KIFAP3: variants seen among roughly 807,000 people sequenced by gnomAD.
KIFAP3 encodes kinesin associated protein 3, also known as kinesin-associated protein 3.
A neutral mutation model predicts 106.5 loss-of-function variants in KIFAP3; 68 were observed. The ratio of observed to expected loss-of-function variants is 0.64; its 90% CI spans 0.53 to 0.78. The LOEUF (loss-of-function observed/expected upper bound fraction) is 0.78, where lower values mean the gene tolerates loss of function less well. Ranked by LOEUF, KIFAP3 falls within the 30% of genes least tolerant of loss-of-function variation. The pLI, the probability that KIFAP3 is intolerant of heterozygous loss-of-function variation, is 0.00. For synonymous variants in KIFAP3, 320 were observed against 311.5 expected (o/e 1.03, Z -0.29); for missense variants, 780 against 941.8 (o/e 0.83, Z 2.25).
chr1:169,976,466 T>G (rs1666225406), intron 16 of KIFAP3, among the ~76,000 whole-genome samples: 2 of 152,126 alleles, frequency 1.3e-5, no homozygotes, highest in Admixed American at 6.6e-5. Context: ...ATACTTATGT[T>G]CCATGGAATA....
At chr1:170,032,422 T>C (rs540047803) in intron 7 of KIFAP3, among the ~76,000 whole-genome samples, 17 of 151,876 alleles carry the variant, frequency 1.1e-4, no homozygotes, top group African/African-American at 2.6e-4. Flanking sequence ...GCCCAGAATA[T>C]TCAAAGGATA....
In KIFAP3 at chr1:169,978,129, A is replaced by G. The variant is rs372005135; in HGVS notation, c.1853T>C (p.Met618Thr). Residue 618 changes from methionine (M) to threonine (T), a missense_variant, in exon 16 of 20, where the codon ATG (methionine) becomes ACG (threonine). Transcript: ENST00000361580. ...GTCTCTTGTGGCTTGGTGGAAAACC[A>G]TCTGGTAGAAGACATAAATTATCTG... The part of the protein sequence containing the change: ...VCQIIYVFYQ[M>T]VFHQATRDVI... The G allele has an allele frequency of 1.9e-6, 3 of 1,612,620 alleles. No homozygotes were observed. The highest frequency in any genetic ancestry group is 1.6e-4 in the Middle Eastern group (1 of 6,066).
intron 19 of KIFAP3, among the ~76,000 whole-genome samples, chr1:169,946,876 T>C (rs1664465897): frequency 6.6e-6 from 1 of 151,964 alleles, no homozygotes; most frequent in South Asian, 2.1e-4. Context: ...AAAAAGGGAT[T>C]TCATGTAAAG....
chr1:170,016,035 T>C (rs1419902576), intron 10 of KIFAP3, among the ~76,000 whole-genome samples: 2 of 152,100 alleles, frequency 1.3e-5, no homozygotes, highest in Non-Finnish European at 2.9e-5. Context: ...AAAAAAAATA[T>C]ACCCTTTTTA....
At chr1:169,954,995 T>C (rs1256698785) in intron 18 of KIFAP3, among the ~76,000 whole-genome samples, 1 of 152,158 alleles carries the variant, frequency 6.6e-6, no homozygotes, top group African/African-American at 2.4e-5. Flanking sequence ...ATAAAAAGAA[T>C]CTGAGGAAAA....
At chr1:169,998,831 A>C (rs1667519537) in intron 10 of KIFAP3, among the ~76,000 whole-genome samples, 1 of 152,238 alleles carries the variant, frequency 6.6e-6, no homozygotes, top group Non-Finnish European at 1.5e-5. Flanking sequence ...TATTCACTGA[A>C]TCATAAATGA....
At chr1:170,024,245 T>G in intron 9 of KIFAP3, 173 bp downstream of exon 9, 1 of 442,646 alleles carries the variant, frequency 2.3e-6, no homozygotes. Flanking sequence ...CCTGGAATAT[T>G]AACTAATATG....
chr1:170,012,829 G>A (rs1668308371), intron 10 of KIFAP3, among the ~76,000 whole-genome samples: 1 of 152,116 alleles, frequency 6.6e-6, no homozygotes, highest in Non-Finnish European at 1.5e-5. Context: ...CATCTTACAT[G>A]GTGGCAGACA....
intron 10 of KIFAP3, among the ~76,000 whole-genome samples, chr1:170,016,120 C>T (rs1047168897): frequency 3.9e-5 from 6 of 152,020 alleles, no homozygotes; most frequent in Non-Finnish European, 8.8e-5. Flanking sequence ...AATATAAGAA[C>T]TTAAACGATA....
At chr1:169,981,053 A>G (rs924684869) in intron 15 of KIFAP3, among the ~76,000 whole-genome samples, 2 of 152,214 alleles carry the variant, frequency 1.3e-5, no homozygotes, top group South Asian at 4.1e-4. Context: ...GTGAGCCGAG[A>G]TCATGCCATT....
At chr1:170,000,818 T>C (rs902710390) in intron 10 of KIFAP3, among the ~76,000 whole-genome samples, 1 of 152,098 alleles carries the variant, frequency 6.6e-6, no homozygotes, top group African/African-American at 2.4e-5. Flanking sequence ...AAACCAACAG[T>C]TGTTAACCAA....
chr1:169,996,096 T>A (rs1238878777), intron 10 of KIFAP3, among the ~76,000 whole-genome samples: 4 of 152,086 alleles, frequency 2.6e-5, no homozygotes, highest in Non-Finnish European at 4.4e-5. Context: ...AAACTAAACG[T>A]CTAATTTCCA....
At chr1:169,950,880 T>TTGAAC (rs1482410543) in intron 19 of KIFAP3, among the ~76,000 whole-genome samples, 1 of 151,972 alleles carries the variant, frequency 6.6e-6, no homozygotes, top group Non-Finnish European at 1.5e-5. Context: ...AATTATCATA[T>TTGAAC]TGAAATATAT....
intron 19 of KIFAP3, among the ~76,000 whole-genome samples, chr1:169,950,033 T>C (rs1664649921): frequency 1.3e-5 from 2 of 152,178 alleles, no homozygotes. Context: ...CTGACTTGGA[T>C]TTTAAGAAAA....
In KIFAP3 at chr1:170,031,885, C is replaced by T; in HGVS notation, c.841+1G>A. The T allele has an allele frequency of 6.3e-7, 1 of 1,588,386 alleles. No homozygotes were observed. Among genetic ancestry groups the T allele is most frequent in the Non-Finnish European group, 8.6e-7 (1 of 1,158,278 alleles). On this transcript the variant is annotated splice_donor_variant, in intron 8 of 19. Coordinates refer to ENST00000361580, the MANE Select transcript of KIFAP3 (RefSeq NM_014970.4). LOFTEE classifies it high-confidence loss of function. ...TTTCCTCATTGCTTAGGAATTCATACCTCGTAATAGCTGTTCCTGTTTTAC... is the reference window on the plus strand; with the variant it reads ...TTTCCTCATTGCTTAGGAATTCATATCTCGTAATAGCTGTTCCTGTTTTAC...
chr1:170,020,660 C>T (rs965023971), intron 9 of KIFAP3, among the ~76,000 whole-genome samples: 10 of 151,988 alleles, frequency 6.6e-5, no homozygotes, highest in Non-Finnish European at 1.0e-4. Context: ...GTATTAGTCA[C>T]GATGGTCTCT....
At chr1:169,970,989 A>T (rs1418914959) in intron 17 of KIFAP3, among the ~76,000 whole-genome samples, 4 of 152,052 alleles carry the variant, frequency 2.6e-5, no homozygotes, top group Admixed American at 1.3e-4. Flanking sequence ...AAGATGAGAG[A>T]CTTAAGCTCA....
rs1440393470 is a variant in KIFAP3, at chr1:170,046,740, C to T, written c.291G>A (p.Gln97=). Residue 97 remains glutamine (Q), a synonymous_variant, in exon 3 of 20, where the codon CAG becomes CAA. Coordinates refer to ENST00000361580, the MANE Select transcript of KIFAP3 (RefSeq NM_014970.4). ...TTCCTGACAATGAATCACGGCGGTT[C>T]TGTAGATAGTACAACAGCTGTTCTA... is the stretch of plus-strand genomic sequence containing the variant. ...NEVEQLLYYL[Q]NRRDSLSGKE... The T allele has an allele frequency of 6.3e-7, 1 of 1,591,216 alleles. No homozygotes were observed. The highest frequency in any genetic ancestry group is 8.6e-7 in the Non-Finnish European group (1 of 1,168,602).
intron 19 of KIFAP3, among the ~76,000 whole-genome samples, chr1:169,939,612 C>T (rs183013031): frequency 1.3e-5 from 2 of 152,088 alleles, no homozygotes; most frequent in African/African-American, 2.4e-5. Context: ...AAAAGAGGGT[C>T]CCCCAAAACA....
Sources: gnomAD v4.1 joint callset for allele counts (sites outside exome capture counted in the v4.1 genomes callset) on GRCh38, gnomAD v4.1.1 for gene constraint, MANE v1.5 for transcripts, NCBI Gene and HGNC (gene_info 2026-07-23, HGNC 2026-07-21) for gene names.